Variants in ZSCAN5A observed in about 807,000 individuals in gnomAD.
ZSCAN5A encodes the protein zinc finger and SCAN domain-containing protein 5A.
Under a neutral mutation model 23.7 loss-of-function variants are expected in ZSCAN5A, and 12 were observed. The observed-to-expected ratio is 0.51, with a 90% CI of 0.32 to 0.82. The LOEUF (loss-of-function observed/expected upper bound fraction) is 0.82. Ranked by LOEUF, ZSCAN5A falls within the 40% of genes least tolerant of loss-of-function variation. The pLI is 0.03. For synonymous variants in ZSCAN5A, 257 were observed against 239.9 expected, an observed-to-expected ratio of 1.07 and a Z score of -0.66; for missense variants, 597 against 617.9, an observed-to-expected ratio of 0.97 and a Z score of 0.36.
chr19:56,301,271 G>T (rs540029859), intron 2 of ZSCAN5A, among the ~76,000 whole-genome samples: 4 of 152,156 alleles, frequency 2.6e-5, no homozygotes, highest in African/African-American at 9.7e-5. Context: ...TAAACAAGGG[G>T]TGGATTATTT....
chr19:56,267,848 G>A (rs2037580041), intron 2 of ZSCAN5A, among the ~76,000 whole-genome samples: 2 of 152,200 alleles, frequency 1.3e-5, no homozygotes, highest in Non-Finnish European at 2.9e-5. Flanking sequence ...TGTAGTCAGT[G>A]CTAGAAAAAG....
At position 56,221,926 on chromosome 19, in the gene ZSCAN5A, G is replaced by A. The variant is rs540386597; in HGVS notation, c.1140C>T (p.Gly380=). The A allele has an allele frequency of 2.1e-5, 34 of 1,614,026 alleles. No homozygotes were observed. Among genetic ancestry groups the A allele is most frequent in the East Asian group, 4.5e-5 (2 of 44,892 alleles). Residue 380 remains glycine (G), a synonymous_variant, in exon 6 of 6, where the codon GGC becomes GGT. Transcript: ENST00000683990. The stretch of plus-strand genomic sequence containing the variant: ...AGAGATTACATTGAAAGAGTCTCTC[G>A]CCTGTGTGTGATCTCTTGTGGATGA... ...KLVIHKRSHT[G]ERLFQCNLCG...
intron 2 of ZSCAN5A, among the ~76,000 whole-genome samples, chr19:56,287,721 T>C (rs2147124021): frequency 6.6e-6 from 1 of 151,964 alleles, no homozygotes; most frequent in African/African-American, 2.4e-5. Context: ...ATCATCTGAG[T>C]CATTAAACAG....
intron 2 of ZSCAN5A, chr19:56,297,616 G>C (rs1332468347): frequency 1.2e-6 from 1 of 816,960 alleles, no homozygotes; most frequent in Admixed American, 6.3e-5. Context: ...TAGAAGAGAA[G>C]ATTTCAGGTA....
intron 2 of ZSCAN5A, among the ~76,000 whole-genome samples, chr19:56,327,282 A>G (rs574155599): frequency 2.6e-5 from 4 of 151,018 alleles, no homozygotes; most frequent in African/African-American, 9.7e-5. Context: ...GCACCTGGCT[A>G]TGTTTTTTAT....
chr19:56,257,780 T>A (rs2036814754), intron 2 of ZSCAN5A, among the ~76,000 whole-genome samples: 1 of 127,890 alleles, frequency 7.8e-6, no homozygotes. Flanking sequence ...GCCAGGGGAC[T>A]CTGCAAGCCT....
upstream of ZSCAN5A, chr19:56,315,223 G>A (rs540648009): frequency 6.6e-6 from 1 of 152,376 alleles, no homozygotes; most frequent in East Asian, 1.9e-4. Flanking sequence ...GATTCCGATT[G>A]GTGAAGAGGC....
chr19:56,221,595 G>T lies in ZSCAN5A; in HGVS notation c.1471C>A (p.Pro491Thr). ...TGCAATCACTGAGAAGTAGCTTCTG[G>T]ATGTGTTTTCTGGTGGCGTCTTAAC... ...KLLRRHQKTHPEATSQ is the reference protein window; with the variant it reads ...KLLRRHQKTHTEATSQ The change falls in exon 6 of 6, where the codon CCA becomes ACA. Residue 491 changes from proline (P) to threonine (T), a missense_variant. By Grantham distance (38) the Pro-to-Thr change is conservative. Coordinates refer to ENST00000683990, the MANE Select transcript of ZSCAN5A (RefSeq NM_001322064.3). The T allele has an allele frequency of 1.2e-6, 2 of 1,603,962 alleles. No homozygotes were observed. Among genetic ancestry groups the T allele is most frequent in the Non-Finnish European group, 1.7e-6 (2 of 1,175,198 alleles).
chr19:56,299,627 G>A lies in ZSCAN5A; in HGVS notation c.-128+13656C>T, dbSNP rs543845289. On this transcript the variant is annotated intron_variant, in intron 2 of 5. Transcript: ENST00000683990. ...GCAAAATTCCTTGATGTTCAAGTCC[G>A]TGATATAAATAGCATAATGCTTGCA... Among the ~76,000 whole-genome samples the A allele has an allele frequency of 5.9e-5, 9 of 152,260 alleles. No homozygotes were observed. The South Asian group carries it at 6.2e-4, about 11-fold the overall frequency.
chr19:56,271,604 T>C (rs1217490108), intron 2 of ZSCAN5A, among the ~76,000 whole-genome samples: 1 of 152,160 alleles, frequency 6.6e-6, no homozygotes, highest in African/African-American at 2.4e-5. Context: ...ATCGCTGAGG[T>C]ATCCCCTAAT....
chr19:56,240,969 A>G (rs1420763652), intron 2 of ZSCAN5A, among the ~76,000 whole-genome samples: 2 of 152,116 alleles, frequency 1.3e-5, no homozygotes, highest in East Asian at 1.9e-4. Flanking sequence ...TGGGTCTTCC[A>G]AACTGTTGGA....
intron 2 of ZSCAN5A, among the ~76,000 whole-genome samples, chr19:56,230,615 ATGTGTGTGTGTGTGTGTG>A (rs58270311): frequency 0.16 from 23,441 of 147,652 alleles, 2,257 homozygotes; most frequent in South Asian, 0.22. Flanking sequence ...TTATTTCTTG[ATGTGTGTGTGTGTGTGTG>A]TGTGTGTGTG....
At chr19:56,254,418 T>G (rs1277068240) in intron 2 of ZSCAN5A, among the ~76,000 whole-genome samples, 2 of 152,222 alleles carry the variant, frequency 1.3e-5, no homozygotes, top group East Asian at 3.8e-4. Context: ...ATGAGGTCTT[T>G]GTAGCATGTG....
chr19:56,241,777 T>G (rs191221747), intron 2 of ZSCAN5A, among the ~76,000 whole-genome samples: 8 of 152,230 alleles, frequency 5.3e-5, no homozygotes, highest in Non-Finnish European at 1.2e-4. Context: ...ACTGCTACTA[T>G]GAGTCCACTA....
At chr19:56,323,044 G>A (rs1475024190) in intron 2 of ZSCAN5A, among the ~76,000 whole-genome samples, 3 of 151,452 alleles carry the variant, frequency 2.0e-5, no homozygotes, top group African/African-American at 7.3e-5. Flanking sequence ...ACAGGTGCCC[G>A]CCACCACGCC....
intron 2 of ZSCAN5A, among the ~76,000 whole-genome samples, chr19:56,286,047 A>C (rs1393259647): frequency 6.6e-6 from 1 of 152,156 alleles, no homozygotes; most frequent in Non-Finnish European, 1.5e-5. Context: ...TTAGAGACGG[A>C]GTCTCGCTCT....
intron 2 of ZSCAN5A, among the ~76,000 whole-genome samples, chr19:56,305,284 C>CT (rs558179990): frequency 3.7e-4 from 57 of 152,320 alleles, no homozygotes; most frequent in Admixed American, 2.0e-3. Flanking sequence ...AGTCTACTCT[C>CT]TGTCTCTGAG....
At chr19:56,350,796 T>C (rs751940049) in intron 2 of ZSCAN5A, among the ~76,000 whole-genome samples, 5 of 152,120 alleles carry the variant, frequency 3.3e-5, no homozygotes, top group Admixed American at 2.0e-4. Flanking sequence ...CTTGTAAAAT[T>C]TATATTTTTT....
chr19:56,319,884 G>T (rs1445860089), intron 2 of ZSCAN5A: 3 of 863,902 alleles, frequency 3.5e-6, no homozygotes, highest in Non-Finnish European at 6.1e-6. Flanking sequence ...CTTCCTTTTT[G>T]AATAGCACTC....
Sources: gnomAD v4.1 joint callset for allele counts (sites outside exome capture counted in the v4.1 genomes callset) on GRCh38, gnomAD v4.1.1 for gene constraint, MANE v1.5 for transcripts, NCBI Gene and HGNC (gene_info 2026-07-23, HGNC 2026-07-21) for gene names.